Variants in NOM1 observed in about 807,000 individuals in gnomAD.
NOM1 encodes nucleolar protein with MIF4G domain 1, also known as nucleolar MIF4G domain-containing protein 1.
Under a neutral mutation model 73.3 loss-of-function variants are expected in NOM1, and 58 were observed. The ratio of observed to expected loss-of-function variants is 0.79; its 90% CI spans 0.64 to 0.99. NOM1 has a LOEUF of 0.99. Ranked by LOEUF, NOM1 falls within the 50% of genes least tolerant of loss-of-function variation. NOM1 has a pLI of 0.00. For missense variants in NOM1, 1,226 were observed against 1,131.9 expected (o/e 1.08, Z -1.19); for synonymous variants, 487 against 446.8 (o/e 1.09, Z -1.14).
Position 156,970,295 on chromosome 7 carries a change from A to AG in NOM1, c.*592_*593insG, listed in dbSNP as rs949164137. ...ACTTTTGACAGTGAGACTGTCAAAAAAAAAAAAAAAATTAATAGATAAAAC... is the reference window on the plus strand; with the variant it reads ...ACTTTTGACAGTGAGACTGTCAAAAAGAAAAAAAAAAATTAATAGATAAAAC... On this transcript the variant is annotated 3_prime_UTR_variant, in exon 11 of 11. Coordinates refer to ENST00000275820, the MANE Select transcript of NOM1 (RefSeq NM_138400.2). 6.6e-6 allele frequency: 1 copy of AG among 152,020 alleles called. No individual in the cohort carries two copies. The highest frequency in any genetic ancestry group is 6.6e-5 in the Admixed American group (1 of 15,250). 9.4% of individuals were successfully genotyped at this position (152,020 alleles called of 1,614,324 possible).
Position 156,950,514 on chromosome 7 carries a change from TGAG to T in NOM1, c.791_793del (p.Glu264del), listed in dbSNP as rs540622203. 37 of 1,608,068 alleles carry T rather than the reference TGAG, an allele frequency of 2.3e-5. No individual in the cohort carries two copies. Among genetic ancestry groups the T allele is most frequent in the African/African-American group, 4.1e-5 (3 of 73,720 alleles). On this transcript the variant is annotated inframe_deletion, in exon 1 of 11. Coordinates refer to ENST00000275820, the MANE Select transcript of NOM1 (RefSeq NM_138400.2). ...TAGAGAGTGACTCCCAGGACGAAAG[TGAG>T]GAGGAGGAGGAGGGAGACGTAGAAA...
At chr7:156,950,864 C>T (rs1166080584) in intron 1 of NOM1, 140 bp downstream of exon 1, 2 of 728,630 alleles carry the variant, frequency 2.7e-6, no homozygotes, top group East Asian at 2.7e-5. Flanking sequence ...GAGTACGTTA[C>T]TCTATTCGGT....
chr7:156,967,820 G>C (rs1805038062), intron 9 of NOM1, among the ~76,000 whole-genome samples: 1 of 152,130 alleles, frequency 6.6e-6, no homozygotes, highest in Non-Finnish European at 1.5e-5. Context: ...AGTGCGCCCA[G>C]CTGAAACCTA....
In NOM1 at chr7:156,949,953, G is replaced by A. The variant is rs1804533581; in HGVS notation, c.216G>A (p.Val72=). The A allele has an allele frequency of 2.6e-6, 4 of 1,541,658 alleles. No homozygotes were observed. The highest frequency in any genetic ancestry group is 2.6e-6 in the Non-Finnish European group (3 of 1,146,470). Residue 72 remains valine (V), a synonymous_variant, in exon 1 of 11, where the codon GTG becomes GTA. Transcript: ENST00000275820. ...PGGCEGRGAP[V]SFRPGGRKSR... The stretch of plus-strand genomic sequence containing the variant: ...GTTGCGAGGGGCGCGGCGCCCCGGT[G>A]AGCTTTCGCCCGGGAGGGAGAAAAA...
Position 156,963,985 on chromosome 7 carries a change from G to C in NOM1, c.1992G>C (p.Met664Ile). ...GGAGAAACATATTCTGCACAATAAT[G>C]ACAAGTGAAGATTTTTTGGATGCTT... ...DIRRNIFCTI[M>I]TSEDFLDAFE... Residue 664 changes from methionine to isoleucine, a missense_variant, in exon 7 of 11, where the codon ATG becomes ATC. By Grantham distance (10) the Met-to-Ile change is conservative. Coordinates refer to ENST00000275820, the MANE Select transcript of NOM1 (RefSeq NM_138400.2). The C allele has an allele frequency of 6.2e-7, 1 of 1,613,920 alleles. No individual in the cohort carries two copies. Among genetic ancestry groups the C allele is most frequent in the Non-Finnish European group, 8.5e-7 (1 of 1,179,876 alleles).
Position 156,966,989 on chromosome 7 carries a change from A to G in NOM1, c.2195A>G (p.Lys732Arg). ...ACTTTCCAGTTCAGCATATGGGACA[A>G]ATTTCGGGACTTGGAAAACTTGCCA... ...QMTFQFSIWD[K>R]FRDLENLPAT... The change falls in exon 9 of 11, where the codon AAA becomes AGA. Residue 732 changes from lysine to arginine, a missense_variant. Transcript: ENST00000275820. 1 of 1,613,880 alleles carries G rather than the reference A, an allele frequency of 6.2e-7. No homozygotes were observed. The highest frequency in any genetic ancestry group is 8.5e-7 in the Non-Finnish European group (1 of 1,179,970).
chr7:156,960,170 C>G lies in NOM1; in HGVS notation c.1628C>G (p.Thr543Ser), dbSNP rs1392117771. Residue 543 changes from threonine to serine, a missense_variant, in exon 4 of 11, where the codon ACC (threonine) becomes AGC (serine). By Grantham distance (58) the Thr-to-Ser change is moderately conservative. Coordinates refer to ENST00000275820, the MANE Select transcript of NOM1 (RefSeq NM_138400.2). ...SGAGSEFQDQTRIRFMLETML... is the reference protein window; with the variant it reads ...SGAGSEFQDQSRIRFMLETML... ...GCAGGCAGCGAGTTTCAGGACCAGA[C>G]CAGGGTACGCGTGCGACGCTTGATC... 1 of 1,611,838 alleles carries G rather than the reference C, an allele frequency of 6.2e-7. No individual in the cohort carries two copies. The highest frequency in any genetic ancestry group is 1.1e-5 in the South Asian group (1 of 90,854).
chr7:156,954,965 G>A (rs1037224107), intron 3 of NOM1, among the ~76,000 whole-genome samples: 2 of 152,194 alleles, frequency 1.3e-5, no homozygotes, highest in Non-Finnish European at 2.9e-5. Context: ...CTGAGGTGTT[G>A]GTATTGATGG....
chr7:156,960,153 C>T lies in NOM1; in HGVS notation c.1611C>T (p.Ser537=), dbSNP rs763316286. 18 of 1,613,104 alleles carry T rather than the reference C, an allele frequency of 1.1e-5. No homozygotes were observed. The Admixed American group carries it at 1.5e-4, about 14-fold the overall frequency. ...EAQTKASGAG[S]EFQDQTRIRF... ...AGACCAAAGCCAGCGGGGCAGGCAG[C>T]GAGTTTCAGGACCAGACCAGGGTAC... The change falls in exon 4 of 11, where the codon AGC becomes AGT. Residue 537 remains serine, a synonymous_variant. Transcript: ENST00000275820.
chr7:156,968,498 C>T (rs988221128), intron 9 of NOM1, among the ~76,000 whole-genome samples: 2 of 152,224 alleles, frequency 1.3e-5, no homozygotes, highest in African/African-American at 2.4e-5. Context: ...TCCTCTAGCT[C>T]GCTGACATTC....
Position 156,969,122 on chromosome 7 carries a change from C to G in NOM1, c.2334C>G (p.Val778=), listed in dbSNP as rs1465543471. 1 of 1,597,840 alleles carries G rather than the reference C, an allele frequency of 6.3e-7. No individual in the cohort carries two copies. Among genetic ancestry groups the G allele is most frequent in the Non-Finnish European group, 8.6e-7 (1 of 1,165,154 alleles). Residue 778 remains valine (V), a synonymous_variant, in exon 10 of 11, where the codon GTC becomes GTG. Coordinates refer to ENST00000275820, the MANE Select transcript of NOM1 (RefSeq NM_138400.2). ...VEFSELDKPR[V]RFLRKVLSIL... ...TCAGTGAATTGGACAAACCCAGAGT[C>G]CGTTTTTTACGAAAAGTATTAAGTA...
chr7:156,950,403 C>T lies in NOM1; in HGVS notation c.666C>T (p.Ala222=), dbSNP rs1421711292. 1.2e-5 allele frequency: 20 copies of T among 1,614,186 alleles called. No individual in the cohort carries two copies. The highest frequency in any genetic ancestry group is 1.7e-5 in the Non-Finnish European group (20 of 1,180,018). The part of the protein sequence containing the change: ...ARDGLDYILG[A]LESGKNSGLY... ...ACGGTCTTGACTATATTCTGGGAGC[C>T]CTGGAGTCTGGGAAAAATAGCGGCT... The change falls in exon 1 of 11, where the codon GCC becomes GCT. Residue 222 remains alanine (A), a synonymous_variant. Coordinates refer to ENST00000275820, the MANE Select transcript of NOM1 (RefSeq NM_138400.2).
intron 7 of NOM1, 48 bp downstream of exon 7, chr7:156,964,074 A>G (rs746547256): frequency 1.3e-6 from 2 of 1,586,810 alleles, no homozygotes; most frequent in East Asian, 2.3e-5. Flanking sequence ...ATGCTGTAAA[A>G]TAAGTAAGTT....
Position 156,949,751 on chromosome 7 carries a change from G to T in NOM1, c.14G>T (p.Arg5Met). 7.2e-7 allele frequency: 1 copy of T among 1,386,014 alleles called. No homozygotes were observed. Among genetic ancestry groups the T allele is most frequent in the South Asian group, 1.7e-5 (1 of 59,398 alleles). The allele number at this position is 1,386,014 out of a possible 1,614,324, so 85.9% of individuals were successfully genotyped here. The change falls in exon 1 of 11, where the codon AGG becomes ATG. Residue 5 changes from arginine (R) to methionine (M), a missense_variant. By Grantham distance (91) the Arg-to-Met change is moderately conservative. Coordinates refer to ENST00000275820, the MANE Select transcript of NOM1 (RefSeq NM_138400.2). ...GCGTTTCGAAAGATGGCGGCGTCCA[G>T]GAGCGCGGGAGAGGCCGGCCCGGGC... MAAS[R>M]SAGEAGPGGS...
Position 156,963,092 on chromosome 7 carries a change from T to C in NOM1, c.1828T>C (p.Trp610Arg), listed in dbSNP as rs201457653. ...GAGTGCGGAGCAGACGGGTCGCTGGTGGATTGTGGGGTCCGCCTGGAGTGG... is the reference window on the plus strand; with the variant it reads ...GAGTGCGGAGCAGACGGGTCGCTGGCGGATTGTGGGGTCCGCCTGGAGTGG... ...VLSAEQTGRW[W>R]IVGSAWSGAP... The change falls in exon 6 of 11, where the codon TGG becomes CGG. Residue 610 changes from tryptophan to arginine, a missense_variant. Trp to Arg is a moderately radical substitution (Grantham distance 101). Transcript: ENST00000275820. The C allele has an allele frequency of 6.2e-7, 1 of 1,614,168 alleles. No individual in the cohort carries two copies. Among genetic ancestry groups the C allele is most frequent in the African/African-American group, 1.3e-5 (1 of 75,038 alleles).
intron 7 of NOM1, 198 bp downstream of exon 7, chr7:156,964,224 A>G (rs1290515186): frequency 2.0e-5 from 8 of 400,986 alleles, no homozygotes; most frequent in South Asian, 8.0e-5. Context: ...TGCCTCTAGT[A>G]GTTCCTCATT....
intron 7 of NOM1, among the ~76,000 whole-genome samples, chr7:156,965,751 A>G (rs1804979330): frequency 6.6e-6 from 1 of 151,270 alleles, no homozygotes; most frequent in Admixed American, 6.6e-5. Context: ...CCCCATCTCT[A>G]CTAAAAACAC....
chr7:156,960,489 C>G (rs969248670), intron 4 of NOM1, among the ~76,000 whole-genome samples: 2 of 152,198 alleles, frequency 1.3e-5, no homozygotes, highest in African/African-American at 4.8e-5. Context: ...AGCAGCATAA[C>G]CTGGGTCTTC....
Position 156,954,242 on chromosome 7 carries a change from C to G in NOM1, c.1252C>G (p.Leu418Val), listed in dbSNP as rs908592446. Residue 418 changes from leucine to valine, a missense_variant, in exon 3 of 11, where the codon CTG becomes GTG. Physicochemically the swap from Leu to Val is conservative, Grantham distance 32. Transcript: ENST00000275820. The part of the protein sequence containing the change: ...CVTASAMPSR[L>V]MMEHVLLVSI... ...CACTGCCTCGGCCATGCCCAGCAGA[C>G]TGATGATGGAGCATGTTCTCTTAGT... is the stretch of plus-strand genomic sequence containing the variant. 1.9e-6 allele frequency: 3 copies of G among 1,611,986 alleles called. No individual in the cohort carries two copies. The highest frequency in any genetic ancestry group is 2.2e-5 in the East Asian group (1 of 44,784).
Sources: gnomAD v4.1 joint callset for allele counts (sites outside exome capture counted in the v4.1 genomes callset) on GRCh38, gnomAD v4.1.1 for gene constraint, MANE v1.5 for transcripts, NCBI Gene and HGNC (gene_info 2026-07-23, HGNC 2026-07-21) for gene names.